RBFOX1: variants seen among roughly 807,000 people sequenced by gnomAD.
The protein encoded by RBFOX1 is RNA binding protein fox-1 homolog 1.
A neutral mutation model predicts 57.7 loss-of-function variants in RBFOX1; 8 were observed. The ratio of observed to expected loss-of-function variants is 0.14; its 90% CI spans 0.08 to 0.25. The LOEUF (loss-of-function observed/expected upper bound fraction) is 0.25, where lower values mean the gene tolerates loss of function less well. RBFOX1 is among the 10% of genes least tolerant of loss of function. RBFOX1 has a pLI of 1.00. For synonymous variants in RBFOX1, 326 were observed against 222.4 expected, an observed-to-expected ratio of 1.47 and a Z score of -4.15; for missense variants, 611 against 548.5, an observed-to-expected ratio of 1.11 and a Z score of -1.14.
chr16:6,478,033 G>A (rs188591443), intron 2 of RBFOX1, among the ~76,000 whole-genome samples: 147 of 152,104 alleles, frequency 9.7e-4, no homozygotes, highest in African/African-American at 3.2e-3. Context: ...ATTAGGCTTT[G>A]GCTTAAGAGA....
intron 4 of RBFOX1, among the ~76,000 whole-genome samples, chr16:5,928,213 C>T (rs1225403725): frequency 5.9e-5 from 9 of 151,994 alleles, no homozygotes; most frequent in Admixed American, 5.2e-4. Context: ...CCTGCCTCAG[C>T]CTCCTGAGTA....
At chr16:7,289,757 C>G (rs139607200) in intron 4 of RBFOX1, among the ~76,000 whole-genome samples, 1 of 152,230 alleles carries the variant, frequency 6.6e-6, no homozygotes, top group African/African-American at 2.4e-5. Context: ...GTGTATTAGT[C>G]CATGCTATCA....
At chr16:7,456,683 C>A (rs1020530572) in intron 4 of RBFOX1, among the ~76,000 whole-genome samples, 6 of 152,138 alleles carry the variant, frequency 3.9e-5, no homozygotes, top group Non-Finnish European at 8.8e-5. Flanking sequence ...CAACGGTCTT[C>A]CTGGGATGTT....
chr16:6,162,456 G>T (rs74006905), intron 1 of RBFOX1, among the ~76,000 whole-genome samples: 7,186 of 152,160 alleles, frequency 0.047, 604 homozygotes, highest in African/African-American at 0.17. Context: ...GCATGCTTAT[G>T]GCTTGATTTT....
intron 4 of RBFOX1, among the ~76,000 whole-genome samples, chr16:7,239,635 C>T (rs560817165): frequency 6.6e-6 from 1 of 152,194 alleles, no homozygotes; most frequent in South Asian, 2.1e-4. Flanking sequence ...GGCTTTATTG[C>T]CCCCTGATAA....
chr16:7,119,284 G>C (rs2066589760), intron 4 of RBFOX1, among the ~76,000 whole-genome samples: 1 of 152,000 alleles, frequency 6.6e-6, no homozygotes, highest in Admixed American at 6.6e-5. Context: ...GTACATAATT[G>C]ACCAACTATC....
At chr16:5,500,412 G>A (rs959050854) in intron 2 of RBFOX1, among the ~76,000 whole-genome samples, 1 of 152,048 alleles carries the variant, frequency 6.6e-6, no homozygotes, top group East Asian at 1.9e-4. Flanking sequence ...CTGTAGAGAT[G>A]AAGTCTCCTT....
At chr16:7,229,291 G>A (rs1045517269) in intron 4 of RBFOX1, among the ~76,000 whole-genome samples, 2 of 152,166 alleles carry the variant, frequency 1.3e-5, no homozygotes, top group Admixed American at 6.5e-5. Context: ...CTAAGTTGAG[G>A]AGACCCTGAG....
At chr16:7,163,218 G>A (rs530014763) in intron 4 of RBFOX1, among the ~76,000 whole-genome samples, 13 of 152,266 alleles carry the variant, frequency 8.5e-5, no homozygotes, top group Non-Finnish European at 1.6e-4. Context: ...AAAGCAGGGG[G>A]AGTCTACTGG....
chr16:7,305,153 C>T (rs1381895088), intron 4 of RBFOX1, among the ~76,000 whole-genome samples: 2 of 150,878 alleles, frequency 1.3e-5, no homozygotes, highest in African/African-American at 4.9e-5. Context: ...TTTTTTTTCC[C>T]TTTCACTTCT....
intron 3 of RBFOX1, among the ~76,000 whole-genome samples, chr16:6,875,458 G>A (rs1461497526): frequency 6.6e-6 from 1 of 152,114 alleles, no homozygotes; most frequent in Non-Finnish European, 1.5e-5. Flanking sequence ...CACAAGATTC[G>A]CTGAGAGTCT....
chr16:7,167,001 T>TTTTTTTG, intron 4 of RBFOX1, among the ~76,000 whole-genome samples: 1 of 97,550 alleles, frequency 1.0e-5, no homozygotes, highest in Non-Finnish European at 2.1e-5. Context: ...TTTTTTTTTT[T>TTTTTTTG]TTTTTTGACA....
At chr16:6,372,477 G>T (rs981478750) in intron 2 of RBFOX1, among the ~76,000 whole-genome samples, 1 of 151,848 alleles carries the variant, frequency 6.6e-6, no homozygotes, top group Non-Finnish European at 1.5e-5. Flanking sequence ...GAGTATTGTT[G>T]GATGGAATGG....
At chr16:6,569,919 C>T (rs2097321588) in intron 2 of RBFOX1, among the ~76,000 whole-genome samples, 1 of 152,184 alleles carries the variant, frequency 6.6e-6, no homozygotes, top group South Asian at 2.1e-4. Context: ...AAGTACTGTA[C>T]AATTCACTTG....
At chr16:6,259,246 A>G (rs191280419) in intron 1 of RBFOX1, among the ~76,000 whole-genome samples, 129 of 152,214 alleles carry the variant, frequency 8.5e-4, no homozygotes, top group African/African-American at 2.8e-3. Flanking sequence ...AGTGAAATCT[A>G]TCATTATTCC....
rs374349837 is a variant in RBFOX1, at chr16:7,131,044, C to T, written c.27+78946C>T. Among the ~76,000 whole-genome samples, 286 of 152,204 alleles carry T rather than the reference C, an allele frequency of 1.9e-3. 2 individuals carry two copies. The highest frequency in any genetic ancestry group is 6.6e-3 in the African/African-American group (273 of 41,538). On this transcript the variant is annotated intron_variant, in intron 4 of 15. Coordinates refer to ENST00000550418, the MANE Select transcript of RBFOX1 (RefSeq NM_018723.4). The stretch of plus-strand genomic sequence containing the variant: ...TGTGACTTTGAATTGCCTTTTTAAT[C>T]ATAAGAATCATAGCTTCTGGCCGGG...
chr16:7,683,315 CACACACACACAGAGACAGACAGACAG>C (rs2075327541), intron 14 of RBFOX1, among the ~76,000 whole-genome samples: 2 of 151,090 alleles, frequency 1.3e-5, no homozygotes, highest in Admixed American at 1.3e-4. Flanking sequence ...TTATAGAAAT[CACACACACACAGAGACAGACAGACAG>C]ACACACACAC....
chr16:6,500,579 A>G (rs561363069), intron 2 of RBFOX1, among the ~76,000 whole-genome samples: 2 of 152,246 alleles, frequency 1.3e-5, no homozygotes, highest in East Asian at 3.9e-4. Context: ...CCCTTCCCTC[A>G]AGAAAATTAA....
At chr16:6,459,808 A>C (rs1406841561) in intron 2 of RBFOX1, among the ~76,000 whole-genome samples, 1 of 151,540 alleles carries the variant, frequency 6.6e-6, no homozygotes, top group East Asian at 1.9e-4. Flanking sequence ...GAAACTGAGA[A>C]ACCCTGTCTC....
Sources: gnomAD v4.1 joint callset for allele counts (sites outside exome capture counted in the v4.1 genomes callset) on GRCh38, gnomAD v4.1.1 for gene constraint, MANE v1.5 for transcripts, NCBI Gene and HGNC (gene_info 2026-07-23, HGNC 2026-07-21) for gene names.